Variants in MRTFA observed in about 807,000 individuals in gnomAD.
MRTFA encodes the protein myocardin related transcription factor A.
MRTFA carries 20 observed loss-of-function variants against 83.5 expected under a neutral mutation model. The ratio of observed to expected loss-of-function variants is 0.24; its 90% CI spans 0.17 to 0.35. MRTFA has a LOEUF of 0.35. Ranked by LOEUF, MRTFA falls within the 10% of genes least tolerant of loss-of-function variation. MRTFA has a pLI of 1.00. For synonymous variants in MRTFA, 659 were observed against 541.2 expected, an observed-to-expected ratio of 1.22 and a Z score of -3.02; for missense variants, 1,200 against 1,224.7, an observed-to-expected ratio of 0.98 and a Z score of 0.30.
intron 3 of MRTFA, chr22:40,519,612 T>A (rs896550524): frequency 1.5e-6 from 2 of 1,319,036 alleles, no homozygotes; most frequent in African/African-American, 3.0e-5. Flanking sequence ...GAGACATTTT[T>A]CTGTTGTACA....
chr22:40,448,124 A>G (rs977650446), intron 4 of MRTFA, among the ~76,000 whole-genome samples: 3 of 152,224 alleles, frequency 2.0e-5, no homozygotes, highest in African/African-American at 7.2e-5. Context: ...ATCCTGGCCA[A>G]CACGGTGAAA....
chr22:40,543,420 A>C (rs1337547259), intron 3 of MRTFA, among the ~76,000 whole-genome samples: 1 of 152,188 alleles, frequency 6.6e-6, no homozygotes, highest in East Asian at 1.9e-4. Flanking sequence ...TCTTACATAA[A>C]GGAGGAGAAA....
chr22:40,522,405 C>T (rs1249450366), intron 3 of MRTFA: 1 of 152,200 alleles, frequency 6.6e-6, no homozygotes, highest in African/African-American at 2.4e-5. Flanking sequence ...CAGGGAAATG[C>T]CTTTCTCTGA....
intron 1 of MRTFA, among the ~76,000 whole-genome samples, chr22:40,613,573 T>C (rs149038933): frequency 8.4e-4 from 128 of 152,304 alleles, no homozygotes; most frequent in Non-Finnish European, 1.5e-3. Context: ...TTTGTATTTC[T>C]GTCCAGGTAT....
In MRTFA at chr22:40,463,201, T is replaced by A; in HGVS notation, c.307+20A>T. The A allele has an allele frequency of 6.2e-7, 1 of 1,610,008 alleles. No homozygotes were observed. Among genetic ancestry groups the A allele is most frequent in the South Asian group, 1.1e-5 (1 of 90,988 alleles). On this transcript the variant is annotated intron_variant, in intron 4 of 14. Transcript: ENST00000355630. ...GTCCTAAAAGCAATCTACCAAATGC[T>A]GAGAGAGAGAGGCACTTACGCGGCA...
chr22:40,525,825 T>C (rs1391737015), intron 3 of MRTFA, among the ~76,000 whole-genome samples: 1 of 152,092 alleles, frequency 6.6e-6, no homozygotes, highest in Non-Finnish European at 1.5e-5. Flanking sequence ...ACACGAAGTA[T>C]TCTTATACAC....
chr22:40,591,674 T>A (rs766007985), intron 2 of MRTFA, among the ~76,000 whole-genome samples: 21 of 152,300 alleles, frequency 1.4e-4, no homozygotes, highest in South Asian at 4.1e-4. Flanking sequence ...ACAGGTAAAT[T>A]CTGTAGTATA....
chr22:40,479,512 AAAAAT>A lies in MRTFA; in HGVS notation c.242-16231_242-16227del, dbSNP rs553802028. Among the ~76,000 whole-genome samples, 248 of 152,312 alleles carry A rather than the reference AAAAAT, an allele frequency of 1.6e-3. 2 individuals are homozygous for A. Among genetic ancestry groups the A allele is most frequent in the African/African-American group, 5.6e-3 (231 of 41,542 alleles). On this transcript the variant is annotated intron_variant, in intron 3 of 14. Transcript: ENST00000355630. ...CTGCCTATTAAACCTCTGCTCCTAAAAAAATAAAATAAAATAAAAAACATGGATTT... is the reference window on the plus strand; with the variant it reads ...CTGCCTATTAAACCTCTGCTCCTAAAAAAATAAAATAAAAAACATGGATTT...
At chr22:40,495,470 C>T (rs988937746) in intron 3 of MRTFA, among the ~76,000 whole-genome samples, 7 of 147,104 alleles carry the variant, frequency 4.8e-5, no homozygotes, top group African/African-American at 1.8e-4. Context: ...AAAAAGTACA[C>T]TGTCTGGGCT....
intron 6 of MRTFA, 90 bp downstream of exon 6, chr22:40,431,315 G>A (rs2294352): frequency 0.1 from 129,889 of 1,258,036 alleles, 7,839 homozygotes; most frequent in East Asian, 0.26. Context: ...AATGGGAGAA[G>A]AAAGAGGCAG....
At chr22:40,526,277 C>T (rs1405443618) in intron 3 of MRTFA, 1 of 152,206 alleles carries the variant, frequency 6.6e-6, no homozygotes, top group Non-Finnish European at 1.5e-5. Context: ...AAGTGATCCT[C>T]CCCATTCGGC....
rs143356434 is a variant in MRTFA at position 40,580,021 on chromosome 22, T to C, written c.-22+14653A>G. 4.9e-4 allele frequency among the ~76,000 whole-genome samples: 74 copies of C among 152,280 alleles called. 1 individual carries two copies. The East Asian group carries it at 0.013, about 27-fold the overall frequency. ...TTTCGAGCAAGGAAAAAATAAAATA[T>C]GGACAAGTGGTGATTTTATAATAAA... On this transcript the variant is annotated intron_variant, in intron 2 of 14. Coordinates refer to ENST00000355630, the MANE Select transcript of MRTFA (RefSeq NM_020831.6).
At chr22:40,587,867 T>A in intron 2 of MRTFA, 1 of 405,882 alleles carries the variant, frequency 2.5e-6, no homozygotes, top group South Asian at 3.4e-5. Flanking sequence ...GTTGTTTTTG[T>A]GCAAGTTGGT....
At chr22:40,585,796 A>G (rs2056019570) in intron 2 of MRTFA, among the ~76,000 whole-genome samples, 1 of 152,246 alleles carries the variant, frequency 6.6e-6, no homozygotes, top group South Asian at 2.1e-4. Flanking sequence ...AGAGAGATAT[A>G]GTAAGACTTG....
intron 3 of MRTFA, among the ~76,000 whole-genome samples, chr22:40,485,881 G>A (rs1395211726): frequency 6.6e-6 from 1 of 152,198 alleles, no homozygotes; most frequent in Non-Finnish European, 1.5e-5. Flanking sequence ...GTAGTCCTAA[G>A]GCATCTCCCT....
chr22:40,569,492 A>C (rs1284133509), intron 2 of MRTFA: 1 of 154,248 alleles, frequency 6.5e-6, no homozygotes, highest in African/African-American at 2.4e-5. Flanking sequence ...GGGAGGCCAA[A>C]GCTGGTGGAT....
chr22:40,612,550 T>A (rs1179932870), intron 1 of MRTFA, among the ~76,000 whole-genome samples: 1 of 152,184 alleles, frequency 6.6e-6, no homozygotes, highest in African/African-American at 2.4e-5. Context: ...AACTTTGAAG[T>A]ATAATTTGCA....
intron 1 of MRTFA, among the ~76,000 whole-genome samples, chr22:40,618,987 TTAA>T (rs924654716): frequency 4.2e-4 from 61 of 146,054 alleles, no homozygotes; most frequent in Non-Finnish European, 6.5e-4. Flanking sequence ...ATAATAATAA[TTAA>T]AAATATATAT....
intron 3 of MRTFA, among the ~76,000 whole-genome samples, chr22:40,491,996 A>G (rs2054279253): frequency 1.3e-5 from 2 of 152,210 alleles, no homozygotes; most frequent in Admixed American, 1.3e-4. Flanking sequence ...CCTTCCCGCA[A>G]ACTGTGATAA....
Sources: gnomAD v4.1 joint callset for allele counts (sites outside exome capture counted in the v4.1 genomes callset) on GRCh38, gnomAD v4.1.1 for gene constraint, MANE v1.5 for transcripts, NCBI Gene and HGNC (gene_info 2026-07-23, HGNC 2026-07-21) for gene names.